Variants in LAMA3 observed in about 807,000 individuals in gnomAD.
LAMA3 encodes the protein laminin subunit alpha-3.
LAMA3 carries 281 observed loss-of-function variants against 402.0 expected under a neutral mutation model. The ratio of observed to expected loss-of-function variants is 0.70; its 90% CI spans 0.63 to 0.77. The LOEUF is 0.77. LAMA3 is among the 30% of genes least tolerant of loss of function. LAMA3 has a pLI of 0.00. For missense variants in LAMA3, 3,840 were observed against 4,215.5 expected (o/e 0.91, Z 2.47); for synonymous variants, 1,431 against 1,558.4 (o/e 0.92, Z 1.93).
intron 11 of LAMA3, among the ~76,000 whole-genome samples, chr18:23,779,959 G>A (rs1402328361): frequency 6.6e-6 from 1 of 152,148 alleles, no homozygotes; most frequent in African/African-American, 2.4e-5. Context: ...TGGGCCACTT[G>A]AGGACAGCAG....
Position 23,950,138 on chromosome 18 carries a change from T to G in LAMA3, c.9621T>G (p.Cys3207Trp). ...GAAGTCAGCCCGGGAAGCACTTATG[T>G]GTTTACCTGGAGGCAGGAAAGGTGT... is the stretch of plus-strand genomic sequence containing the variant. ...HIGSQPGKHLCVYLEAGKVTA... is the reference protein window; with the variant it reads ...HIGSQPGKHLWVYLEAGKVTA... The change falls in exon 72 of 75, where the codon TGT (cysteine) becomes TGG (tryptophan). Residue 3207 changes from cysteine (C) to tryptophan (W), a missense_variant. Cys to Trp is a radical substitution (Grantham distance 215). Around this residue, in one of 3 missense-constraint regions of LAMA3, gnomAD observed 840 missense variants for 981.9 expected, o/e 0.86. Transcript: ENST00000313654. 1 of 1,614,092 alleles carries G rather than the reference T, an allele frequency of 6.2e-7. No individual in the cohort carries two copies. Among genetic ancestry groups the G allele is most frequent in the Non-Finnish European group, 8.5e-7 (1 of 1,180,016 alleles).
intron 2 of LAMA3, among the ~76,000 whole-genome samples, chr18:23,734,585 T>C (rs1210031300): frequency 1.3e-5 from 2 of 152,206 alleles, no homozygotes; most frequent in Admixed American, 1.3e-4. Context: ...AAAAGGCAGA[T>C]GGACAGAACT....
intron 2 of LAMA3, among the ~76,000 whole-genome samples, chr18:23,729,942 G>C (rs1225498561): frequency 6.6e-6 from 1 of 152,214 alleles, no homozygotes; most frequent in Admixed American, 6.5e-5. Context: ...TGGGTGTTTG[G>C]TCATAATTGC....
At chr18:23,793,007 C>T (rs1249592706) in intron 12 of LAMA3, among the ~76,000 whole-genome samples, 1 of 152,138 alleles carries the variant, frequency 6.6e-6, no homozygotes, top group Non-Finnish European at 1.5e-5. Context: ...GCAGGTCATG[C>T]TGTAGGGGCC....
intron 1 of LAMA3, among the ~76,000 whole-genome samples, chr18:23,705,505 A>G (rs969574672): frequency 1.3e-5 from 2 of 151,906 alleles, no homozygotes; most frequent in Non-Finnish European, 1.5e-5. Flanking sequence ...ATATATATAC[A>G]CATACACACA....
chr18:23,754,364 T>C (rs2061805638), intron 6 of LAMA3, among the ~76,000 whole-genome samples: 1 of 152,234 alleles, frequency 6.6e-6, no homozygotes, highest in East Asian at 1.9e-4. Context: ...GCAACCATCA[T>C]GACTATCCTA....
chr18:23,749,588 T>C (rs369740358), intron 4 of LAMA3, 42 bp downstream of exon 4: 17 of 1,176,564 alleles, frequency 1.4e-5, no homozygotes, highest in Non-Finnish European at 2.1e-5. Flanking sequence ...GACTCAGAAA[T>C]GACCATGAGG....
chr18:23,777,503 A>C (rs2062347922), intron 10 of LAMA3, 54 bp from the exon 11 acceptor site: 1 of 1,223,802 alleles, frequency 8.2e-7, no homozygotes, highest in African/African-American at 1.5e-5. Context: ...TTAATGTTTT[A>C]CTTTACTATC....
intron 32 of LAMA3, among the ~76,000 whole-genome samples, chr18:23,852,204 ATTCT>A (rs1325660768): frequency 6.6e-6 from 1 of 152,138 alleles, no homozygotes; most frequent in Admixed American, 6.5e-5. Flanking sequence ...TTACTCATTC[ATTCT>A]TTCTTTTTTG....
chr18:23,693,949 T>C (rs191106936), intron 1 of LAMA3, among the ~76,000 whole-genome samples: 2 of 152,072 alleles, frequency 1.3e-5, no homozygotes, highest in Non-Finnish European at 2.9e-5. Context: ...GCCAAGCGGG[T>C]GAGTAGGGTC....
chr18:23,902,018 A>C (rs1387474742), intron 48 of LAMA3, among the ~76,000 whole-genome samples: 1 of 152,220 alleles, frequency 6.6e-6, no homozygotes, highest in East Asian at 1.9e-4. Flanking sequence ...TTAAATAGTG[A>C]ACATTGTATG....
chr18:23,946,051 A>ATT, intron 69 of LAMA3, 93 bp from the exon 70 acceptor site: 1 of 1,256,560 alleles, frequency 8.0e-7, no homozygotes, highest in Non-Finnish European at 1.2e-6. Context: ...GCATGAAAAC[A>ATT]TTTTTTTTTA....
chr18:23,722,023 T>G (rs2061223290), intron 2 of LAMA3, among the ~76,000 whole-genome samples: 1 of 152,212 alleles, frequency 6.6e-6, no homozygotes, highest in Admixed American at 6.5e-5. Flanking sequence ...AAGGTCCAAG[T>G]TTCTTAACAT....
intron 32 of LAMA3, 89 bp downstream of exon 32, chr18:23,847,757 C>T (rs919642160): frequency 7.4e-7 from 1 of 1,357,270 alleles, no homozygotes; most frequent in African/African-American, 1.4e-5. Flanking sequence ...TTTCCACTTC[C>T]CACCTGTCCA....
chr18:23,777,890 G>T (rs2062357793), intron 11 of LAMA3, among the ~76,000 whole-genome samples: 1 of 152,172 alleles, frequency 6.6e-6, no homozygotes, highest in African/African-American at 2.4e-5. Context: ...GGCAGCCAGT[G>T]GTCTGTTGTC....
intron 1 of LAMA3, among the ~76,000 whole-genome samples, chr18:23,701,734 G>A (rs1217413150): frequency 4.6e-5 from 7 of 152,196 alleles, no homozygotes; most frequent in Admixed American, 3.9e-4. Context: ...GAAGCGGGTA[G>A]GGGAATAGAC....
chr18:23,777,386 C>G (rs1324221990), intron 10 of LAMA3, among the ~76,000 whole-genome samples, 171 bp from the exon 11 acceptor site: 1 of 152,172 alleles, frequency 6.6e-6, no homozygotes, highest in Non-Finnish European at 1.5e-5. Context: ...AGTCTGGTTT[C>G]AGTTACTAAA....
intron 32 of LAMA3, among the ~76,000 whole-genome samples, chr18:23,850,396 G>C (rs2063917321): frequency 6.6e-6 from 1 of 152,136 alleles, no homozygotes; most frequent in Non-Finnish European, 1.5e-5. Flanking sequence ...CAATAAGTTG[G>C]AACCATAAAA....
chr18:23,858,419 C>T (rs923249483), intron 33 of LAMA3, among the ~76,000 whole-genome samples: 1 of 152,162 alleles, frequency 6.6e-6, no homozygotes. Flanking sequence ...TCTCCCCATC[C>T]TGTGAACCGT....
Sources: gnomAD v4.1 joint callset for allele counts (sites outside exome capture counted in the v4.1 genomes callset) on GRCh38, gnomAD v4.1.1 for gene constraint, gnomAD v4.1.1 regional missense constraint, MANE v1.5 for transcripts, NCBI Gene and HGNC (gene_info 2026-07-23, HGNC 2026-07-21) for gene names.